The following SLC5A12 variants were observed in gnomAD, a reference collection of about 807,000 sequenced individuals.
SLC5A12 encodes the protein sodium-coupled monocarboxylate transporter 2.
Under a neutral mutation model 72.7 loss-of-function variants are expected in SLC5A12, and 46 were observed. The ratio of observed to expected loss-of-function variants is 0.63; its 90% CI spans 0.50 to 0.81. SLC5A12 has a LOEUF of 0.81. Among genes scored for constraint, SLC5A12 ranks in the 30% least tolerant of loss-of-function variants. The pLI is 0.00. For synonymous variants in SLC5A12, 275 were observed against 264.4 expected (o/e 1.04, Z -0.39); for missense variants, 683 against 740.7 (o/e 0.92, Z 0.90).
upstream of SLC5A12, chr11:26,722,081 T>C: frequency 5.2e-6 from 1 of 191,518 alleles, no homozygotes; most frequent in Non-Finnish European, 1.1e-5. Context: ...GATAACATGC[T>C]GTTTTATCTC....
chr11:26,686,339 C>A, intron 10 of SLC5A12, 138 bp downstream of exon 10: 2 of 655,652 alleles, frequency 3.1e-6, no homozygotes, highest in Non-Finnish European at 5.2e-6. Context: ...ATTTTACATG[C>A]ATTTTACATT....
At position 26,686,497 on chromosome 11, in the gene SLC5A12, C is replaced by A. The variant is rs1854537959; in HGVS notation, c.1201G>T (p.Val401Phe). The change falls in exon 10 of 15, where the codon GTC (valine) becomes TTC (phenylalanine). Residue 401 changes from valine (V) to phenylalanine (F), a missense_variant. By Grantham distance (50) the Val-to-Phe change is conservative. Transcript: ENST00000396005. ...GTTACCTGCACAACACCTCCCATGA[C>A]AGATGCAGCCACAGCCATAGAGGTA... is the stretch of plus-strand genomic sequence containing the variant. ...MCTSMAVAAS[V>F]MGGVVQASLS... 6.2e-7 allele frequency: 1 copy of A among 1,614,012 alleles called. No homozygotes were observed. The highest frequency in any genetic ancestry group is 2.2e-5 in the East Asian group (1 of 44,866).
chr11:26,680,970 T>C, intron 12 of SLC5A12, 85 bp downstream of exon 12: 1 of 1,258,596 alleles, frequency 7.9e-7, no homozygotes, highest in Admixed American at 2.6e-5. Context: ...ATATGTCTCA[T>C]CACACTTATC....
Position 26,678,593 on chromosome 11 carries a change from T to C in SLC5A12, c.1579+119A>G, listed in dbSNP as rs962197269. ...AGCGTTGAGAGAGTAGACATCTCTG[T>C]GGGAAGAAGGGTTTTTGTGGGAAAC... On this transcript the variant is annotated intron_variant, in intron 13 of 14. Coordinates refer to ENST00000396005, the MANE Select transcript of SLC5A12 (RefSeq NM_178498.4). The C allele has an allele frequency of 8.0e-5, 57 of 709,170 alleles. No individual in the cohort carries two copies. The Admixed American group carries it at 1.3e-3, about 16-fold the overall frequency. 43.9% of individuals were successfully genotyped at this position (709,170 alleles called of 1,614,324 possible).
At chr11:26,687,037 C>T (rs1394629180) in intron 9 of SLC5A12, among the ~76,000 whole-genome samples, 1 of 152,136 alleles carries the variant, frequency 6.6e-6, no homozygotes, top group African/African-American at 2.4e-5. Flanking sequence ...TCAGATTTTT[C>T]CCTTTGGCGC....
At chr11:26,675,139 G>C (rs879904197) in intron 13 of SLC5A12, among the ~76,000 whole-genome samples, 30 of 152,120 alleles carry the variant, frequency 2.0e-4, no homozygotes, top group Non-Finnish European at 8.8e-5. Context: ...GTTTCAAACA[G>C]AGAAGAGTTT....
At chr11:26,692,166 C>T (rs1177385772) in intron 9 of SLC5A12, 9 of 180,868 alleles carry the variant, frequency 5.0e-5, no homozygotes, top group Middle Eastern at 2.3e-3. Flanking sequence ...AGAAAGTTTA[C>T]GAATTTGTGT....
intron 4 of SLC5A12, 179 bp downstream of exon 4, chr11:26,709,133 A>G (rs1235643972): frequency 2.2e-6 from 1 of 455,614 alleles, no homozygotes; most frequent in Non-Finnish European, 3.9e-6. Context: ...AAGGTTGGTA[A>G]TGAAAAGAAT....
rs1855488951 is a variant in SLC5A12, at chr11:26,721,816, A to G, written c.-102T>C. 1 of 982,344 alleles carries G rather than the reference A, an allele frequency of 1.0e-6. No individual in the cohort carries two copies. Among genetic ancestry groups the G allele is most frequent in the East Asian group, 2.4e-5 (1 of 41,764 alleles). 60.9% of individuals were successfully genotyped at this position (982,344 alleles called of 1,614,324 possible). A position where few individuals can be genotyped will look rare whatever the true frequency, so the allele number is the denominator to read the frequency against. ...ACAGTGGATGCTTTGCTGAGAGGAG[A>G]GACTGTGATTCCCTGAAGAAAATGA... is the stretch of plus-strand genomic sequence containing the variant. On this transcript the variant is annotated 5_prime_UTR_variant, in exon 1 of 15. Coordinates refer to ENST00000396005, the MANE Select transcript of SLC5A12 (RefSeq NM_178498.4).
chr11:26,707,580 ACATTTG>A (rs1435442784), intron 4 of SLC5A12, among the ~76,000 whole-genome samples: 1 of 151,992 alleles, frequency 6.6e-6, no homozygotes, highest in Non-Finnish European at 1.5e-5. Flanking sequence ...CTCTTCAAAT[ACATTTG>A]CTCTTTATCA....
intron 4 of SLC5A12, among the ~76,000 whole-genome samples, chr11:26,708,776 C>A (rs1349920989): frequency 1.3e-5 from 2 of 151,972 alleles, no homozygotes; most frequent in East Asian, 1.9e-4. Context: ...ACAACTCAGG[C>A]TCCTTAATTA....
In SLC5A12 at chr11:26,721,881, G is replaced by T; in HGVS notation, c.-167C>A. The stretch of plus-strand genomic sequence containing the variant: ...CGTGTGAATCTTCAGACACCAACGT[G>T]TACTTAGTGAAGATCTCAAAAGTTG... On this transcript the variant is annotated 5_prime_UTR_variant, in exon 1 of 15. Coordinates refer to ENST00000396005, the MANE Select transcript of SLC5A12 (RefSeq NM_178498.4). 1 of 644,450 alleles carries T rather than the reference G, an allele frequency of 1.6e-6. No individual in the cohort carries two copies. Among genetic ancestry groups the T allele is most frequent in the East Asian group, 2.6e-5 (1 of 38,700 alleles). 39.9% of individuals were successfully genotyped at this position (644,450 alleles called of 1,614,324 possible). A position where few individuals can be genotyped will look rare whatever the true frequency, so the allele number is the denominator to read the frequency against.
At chr11:26,711,461 T>C (rs1554995841) in intron 2 of SLC5A12, 103 bp from the exon 3 acceptor site, 1 of 876,414 alleles carries the variant, frequency 1.1e-6, no homozygotes, top group Admixed American at 2.0e-5. Flanking sequence ...TCTCTTCAAC[T>C]TGTTCATGAA....
intron 11 of SLC5A12, among the ~76,000 whole-genome samples, chr11:26,682,908 C>G (rs939819355): frequency 6.6e-6 from 1 of 152,086 alleles, no homozygotes; most frequent in South Asian, 2.1e-4. Flanking sequence ...CATCAATCTC[C>G]TTTACTTAGC....
chr11:26,718,577 C>T (rs1337907266), intron 1 of SLC5A12, among the ~76,000 whole-genome samples: 4 of 151,978 alleles, frequency 2.6e-5, no homozygotes, highest in Admixed American at 6.6e-5. Context: ...CTCAGCCTCT[C>T]GAGTAGCTGG....
chr11:26,720,710 T>C (rs931714606), intron 1 of SLC5A12, among the ~76,000 whole-genome samples: 1 of 152,220 alleles, frequency 6.6e-6, no homozygotes, highest in Non-Finnish European at 1.5e-5. Context: ...GAACATGATG[T>C]CTTCATTGAG....
intron 8 of SLC5A12, among the ~76,000 whole-genome samples, chr11:26,695,557 T>C (rs1854789214): frequency 6.6e-6 from 1 of 152,180 alleles, no homozygotes; most frequent in Non-Finnish European, 1.5e-5. Context: ...AAAACATTAA[T>C]ATAAATTAAA....
At chr11:26,713,970 C>T (rs1015045928) in intron 1 of SLC5A12, among the ~76,000 whole-genome samples, 1 of 152,002 alleles carries the variant, frequency 6.6e-6, no homozygotes, top group East Asian at 1.9e-4. Context: ...TTTTGCCTGT[C>T]AAATTTCCCA....
intron 9 of SLC5A12, 22 bp downstream of exon 9, chr11:26,692,467 A>G: frequency 3.3e-6 from 5 of 1,499,458 alleles, no homozygotes; most frequent in Admixed American, 1.7e-5. Flanking sequence ...TATGGAATAG[A>G]AAGTCCACCA....
Sources: allele counts gnomAD v4.1 joint callset (sites outside exome capture counted in the v4.1 genomes callset), GRCh38; gene constraint gnomAD v4.1.1; transcripts MANE v1.5; gene names NCBI Gene and HGNC (gene_info 2026-07-23, HGNC 2026-07-21).